STK3: variants seen among roughly 807,000 people sequenced by gnomAD.
STK3 encodes serine/threonine-protein kinase 3.
Under a neutral mutation model 58.0 loss-of-function variants are expected in STK3, and 41 were observed. That is an observed-to-expected ratio of 0.71 (90% confidence interval 0.55 to 0.92). The LOEUF is 0.92. STK3 is among the 40% of genes least tolerant of loss of function. The pLI is 0.00. For missense variants in STK3, 479 were observed against 602.7 expected (o/e 0.79, Z 2.15); for synonymous variants, 170 against 191.0 (o/e 0.89, Z 0.91).
intron 6 of STK3, among the ~76,000 whole-genome samples, chr8:98,600,544 A>C: frequency 6.6e-6 from 1 of 152,208 alleles, no homozygotes; most frequent in East Asian, 1.9e-4. Context: ...AAATTAGAAC[A>C]AGTTTGATTC....
At chr8:98,533,944 C>T (rs1406088381) in intron 9 of STK3, among the ~76,000 whole-genome samples, 1 of 152,114 alleles carries the variant, frequency 6.6e-6, no homozygotes, top group African/African-American at 2.4e-5. Context: ...TACCTATGAA[C>T]AACAGCAGGA....
At chr8:98,643,559 C>T (rs563108024) in intron 6 of STK3, among the ~76,000 whole-genome samples, 72 of 152,310 alleles carry the variant, frequency 4.7e-4, no homozygotes, top group African/African-American at 1.7e-3. Context: ...TCCCTAATCA[C>T]CATCCAATGA....
At chr8:98,560,910 A>G (rs1811959557) in intron 8 of STK3, among the ~76,000 whole-genome samples, 1 of 151,948 alleles carries the variant, frequency 6.6e-6, no homozygotes, top group Non-Finnish European at 1.5e-5. Flanking sequence ...GCATGCGCCT[A>G]CAGTCCCAGC....
intron 8 of STK3, among the ~76,000 whole-genome samples, chr8:98,561,526 G>A (rs1402328314): frequency 6.6e-6 from 1 of 151,978 alleles, no homozygotes; most frequent in East Asian, 1.9e-4. Flanking sequence ...ACTTCAGCTG[G>A]GCATGGTGGC....
At chr8:98,762,959 C>T (rs1306330399) in intron 3 of STK3, among the ~76,000 whole-genome samples, 1 of 152,128 alleles carries the variant, frequency 6.6e-6, no homozygotes, top group Non-Finnish European at 1.5e-5. Context: ...TGATTTTGGG[C>T]AATTCATGTA....
chr8:98,937,496 C>T (rs138000259), intron 1 of STK3, among the ~76,000 whole-genome samples: 142 of 152,280 alleles, frequency 9.3e-4, no homozygotes, highest in African/African-American at 2.5e-3. Context: ...TTAAAGATTG[C>T]CATTAAATAC....
intron 6 of STK3, among the ~76,000 whole-genome samples, chr8:98,610,233 G>A (rs1000767078): frequency 1.3e-5 from 2 of 151,610 alleles, no homozygotes; most frequent in South Asian, 2.1e-4. Context: ...GAGAAAAAAG[G>A]AAATAATGAA....
intron 6 of STK3, chr8:98,598,759 T>C (rs941333838): frequency 1.4e-5 from 14 of 985,312 alleles, no homozygotes; most frequent in African/African-American, 1.4e-4. Context: ...ACCATTTTGA[T>C]TGAAGAATGT....
chr8:98,478,950 T>G (rs556035011), intron 10 of STK3, among the ~76,000 whole-genome samples: 32 of 152,316 alleles, frequency 2.1e-4, no homozygotes, highest in African/African-American at 7.2e-4. Flanking sequence ...ATGTTCCTGA[T>G]GAGGTGGCAG....
the STK3 span, among the ~76,000 whole-genome samples, chr8:98,354,101 G>C: frequency 6.6e-6 from 1 of 152,112 alleles, no homozygotes; most frequent in East Asian, 1.9e-4. Flanking sequence ...TTCATTTATG[G>C]AAAGCCCCCA....
At chr8:98,883,423 C>A (rs1385539914), downstream of STK3, 2 of 471,322 alleles carry the variant, frequency 4.2e-6, no homozygotes, top group Non-Finnish European at 7.7e-6. Flanking sequence ...CAGCATATTA[C>A]AAAATTTCAT....
At chr8:98,863,507 C>T (rs1032101680) in intron 3 of STK3, among the ~76,000 whole-genome samples, 2 of 152,052 alleles carry the variant, frequency 1.3e-5, no homozygotes, top group Non-Finnish European at 2.9e-5. Flanking sequence ...CATGCTCACA[C>T]ACACACACAC....
intron 6 of STK3, among the ~76,000 whole-genome samples, chr8:98,701,837 C>T (rs972430317): frequency 6.6e-6 from 1 of 151,990 alleles, no homozygotes; most frequent in Non-Finnish European, 1.5e-5. Context: ...TTGGTGGTTT[C>T]ATATTTAACT....
At chr8:98,686,935 A>G (rs537655605) in intron 6 of STK3, among the ~76,000 whole-genome samples, 79 of 152,302 alleles carry the variant, frequency 5.2e-4, no homozygotes, top group African/African-American at 1.7e-3. Context: ...ATTATATAAA[A>G]TGACCAAATA....
chr8:98,453,135 T>TGGAGC (rs1214529425), downstream of STK3, among the ~76,000 whole-genome samples: 1 of 89,614 alleles, frequency 1.1e-5, no homozygotes, highest in Non-Finnish European at 2.2e-5. Flanking sequence ...TCACCCAGGC[T>TGGAGC]GGAGCGCAGT....
intron 2 of STK3, among the ~76,000 whole-genome samples, chr8:98,772,215 T>C (rs1563983963): frequency 6.6e-6 from 1 of 152,224 alleles, no homozygotes. Context: ...TATAATTACT[T>C]ATTTCTAATT....
chr8:98,728,174 T>C (rs1827920555), intron 4 of STK3, among the ~76,000 whole-genome samples: 1 of 152,186 alleles, frequency 6.6e-6, no homozygotes, highest in Non-Finnish European at 1.5e-5. Context: ...AGCTGTTCAG[T>C]TAACTCCCTT....
At chr8:98,692,240 A>G (rs1824465718) in intron 6 of STK3, among the ~76,000 whole-genome samples, 1 of 152,054 alleles carries the variant, frequency 6.6e-6, no homozygotes, top group Non-Finnish European at 1.5e-5. Flanking sequence ...AAAATAAAAC[A>G]CTCTTGAATT....
intron 6 of STK3, among the ~76,000 whole-genome samples, chr8:98,621,857 T>C (rs1818350720): frequency 6.6e-6 from 1 of 152,048 alleles, no homozygotes; most frequent in South Asian, 2.1e-4. Context: ...AGAAGCTCCG[T>C]ATGGCCAGAT....
Sources: allele counts gnomAD v4.1 joint callset (sites outside exome capture counted in the v4.1 genomes callset), GRCh38; gene constraint gnomAD v4.1.1; transcripts MANE v1.5; gene names NCBI Gene and HGNC (gene_info 2026-07-23, HGNC 2026-07-21).